Variants in DYNC1H1 observed in about 807,000 individuals in gnomAD.
DYNC1H1 encodes the protein cytoplasmic dynein 1 heavy chain 1.
Under a neutral mutation model 527.1 loss-of-function variants are expected in DYNC1H1, and 51 were observed. The observed-to-expected ratio is 0.10, with a 90% CI of 0.08 to 0.12. The LOEUF (loss-of-function observed/expected upper bound fraction) is 0.12, where lower values mean the gene tolerates loss of function less well. DYNC1H1 is among the 10% of genes least tolerant of loss of function. DYNC1H1 has a pLI of 1.00. For synonymous variants in DYNC1H1, 2,189 were observed against 2,278.8 expected (o/e 0.96, Z 1.12); for missense variants, 2,771 against 5,971.8 (o/e 0.46, Z 17.66).
At chr14:101,978,787 G>T (rs756207112) in intron 2 of DYNC1H1, among the ~76,000 whole-genome samples, 10 of 152,210 alleles carry the variant, frequency 6.6e-5, no homozygotes, top group Non-Finnish European at 1.3e-4. Flanking sequence ...AGTTATGAGG[G>T]TTAGAATTTC....
chr14:102,012,230 A>T lies in DYNC1H1; in HGVS notation c.6858-84A>T. 6.2e-7 allele frequency: 1 copy of T among 1,613,070 alleles called. No homozygotes were observed. The highest frequency in any genetic ancestry group is 8.5e-7 in the Non-Finnish European group (1 of 1,179,222). On this transcript the variant is annotated intron_variant, in intron 33 of 77. Coordinates refer to ENST00000360184, the MANE Select transcript of DYNC1H1 (RefSeq NM_001376.5). This position sits in a 1 kb window ranked among gnomAD's most constrained non-coding sequence, Gnocchi z 4.9. ...CCAAAGTCTGAGCAAATTAAAGGTC[A>T]TTTCAGAAACCATCATCGGTAAACA...
intron 11 of DYNC1H1, among the ~76,000 whole-genome samples, chr14:101,993,066 C>G (rs978484888): frequency 1.3e-5 from 2 of 152,020 alleles, no homozygotes; most frequent in African/African-American, 4.8e-5. Context: ...GGCATCTCCA[C>G]TTGGCTATCT....
rs376679623 is a variant in DYNC1H1, at chr14:102,018,473, G to A, written c.8200G>A (p.Val2734Met). 314 of 1,613,638 alleles carry A rather than the reference G, an allele frequency of 1.9e-4. No individual in the cohort carries two copies. The highest frequency in any genetic ancestry group is 2.4e-4 in the Non-Finnish European group (287 of 1,180,018). Reference sequence around the variant, plus strand: ...CAGGTTCCTGCGCCACGTGCCTGTCGTGTATGTGGATTACCCGGGCCCCGC... The same window carrying A: ...CAGGTTCCTGCGCCACGTGCCTGTCATGTATGTGGATTACCCGGGCCCCGC... ...SHRFLRHVPV[V>M]YVDYPGPASL... The change falls in exon 41 of 78, where the codon GTG becomes ATG. Residue 2734 changes from valine to methionine, a missense_variant. Around this residue, in one of 32 missense-constraint regions of DYNC1H1, gnomAD observed 163 missense variants for 346.9 expected, o/e 0.47. Transcript: ENST00000360184. The surrounding 1 kb of genome is among the most constrained non-coding windows in gnomAD (Gnocchi z 5.2).
Position 102,042,198 on chromosome 14 carries a change from CGCT to C in DYNC1H1, c.12215-26_12215-24del. The C allele has an allele frequency of 6.2e-7, 1 of 1,613,942 alleles. No individual in the cohort carries two copies. Among genetic ancestry groups the C allele is most frequent in the Non-Finnish European group, 8.5e-7 (1 of 1,179,990 alleles). On this transcript the variant is annotated intron_variant, in intron 66 of 77. Transcript: ENST00000360184. The surrounding 1 kb of genome is among the most constrained non-coding windows in gnomAD (Gnocchi z 5.7). The stretch of plus-strand genomic sequence containing the variant: ...GGTGGGCATTGATGTCCGAGGCTGC[CGCT>C]GCTAACACTAAGTTTCCCTGCACCA...
rs1437863396 is a variant in DYNC1H1, at chr14:102,044,149, C to A, written c.12684+104C>A. ...GACTCTGCGTGGAAGAGCGAGCTGACCCCTCGTGACCGCCAAAGCCTAGCT... is the reference window on the plus strand; with the variant it reads ...GACTCTGCGTGGAAGAGCGAGCTGAACCCTCGTGACCGCCAAAGCCTAGCT... On this transcript the variant is annotated intron_variant, in intron 70 of 77. Transcript: ENST00000360184. This position sits in a 1 kb window ranked among gnomAD's most constrained non-coding sequence, Gnocchi z 7.1. 1 of 1,581,632 alleles carries A rather than the reference C, an allele frequency of 6.3e-7. No homozygotes were observed. The highest frequency in any genetic ancestry group is 8.6e-7 in the Non-Finnish European group (1 of 1,166,968).
chr14:101,991,243 G>A (rs1210233169), intron 10 of DYNC1H1, among the ~76,000 whole-genome samples: 2 of 152,122 alleles, frequency 1.3e-5, no homozygotes, highest in Non-Finnish European at 2.9e-5. Flanking sequence ...GGAGGCTGAA[G>A]CGGGTGGATC....
chr14:102,008,209 A>G lies in DYNC1H1; in HGVS notation c.5849A>G (p.Gln1950Arg). 2 of 1,614,174 alleles carry G rather than the reference A, an allele frequency of 1.2e-6. No individual in the cohort carries two copies. The highest frequency in any genetic ancestry group is 8.5e-7 in the Non-Finnish European group (1 of 1,180,028). The change falls in exon 29 of 78, where the codon CAG becomes CGG. Residue 1950 changes from glutamine to arginine, a missense_variant. Coordinates refer to ENST00000360184, the MANE Select transcript of DYNC1H1 (RefSeq NM_001376.5). ...GGCCGGATCTTTGTGGGCCTTTGCC[A>G]GGTGGGTGCCTGGGGCTGCTTTGAC... ...AMGRIFVGLC[Q>R]VGAWGCFDEF...
chr14:102,035,527 G>T (rs1323812429), intron 56 of DYNC1H1: 1 of 152,270 alleles, frequency 6.6e-6, no homozygotes, highest in East Asian at 1.9e-4. Context: ...CCACTTCTAG[G>T]TGTTCATTCA....
chr14:101,984,388 T>C (rs1398649536), intron 7 of DYNC1H1, among the ~76,000 whole-genome samples: 1 of 145,756 alleles, frequency 6.9e-6, no homozygotes, highest in African/African-American at 2.7e-5. Flanking sequence ...TGTGTATATA[T>C]ATATGCGTAT....
intron 42 of DYNC1H1, among the ~76,000 whole-genome samples, chr14:102,022,093 G>A (rs1372841366): frequency 5.3e-5 from 8 of 151,972 alleles, no homozygotes; most frequent in Admixed American, 2.0e-4. Flanking sequence ...CCAAGATCGC[G>A]CCACTGCACT....
chr14:101,975,910 C>A, intron 2 of DYNC1H1, 111 bp downstream of exon 2: 5 of 681,150 alleles, frequency 7.3e-6, no homozygotes, highest in Non-Finnish European at 1.1e-5. Flanking sequence ...TAATATAAAT[C>A]TTTTTTTTTT....
At chr14:102,004,467 C>T in intron 23 of DYNC1H1, 51 bp from the exon 24 acceptor site, 3 of 1,554,274 alleles carry the variant, frequency 1.9e-6, no homozygotes, top group East Asian at 2.3e-5. Context: ...CTTGATTCAC[C>T]TTATATGTGT....
At chr14:102,047,538 AAAAT>A (rs1240072594) in intron 72 of DYNC1H1, 2 of 207,242 alleles carry the variant, frequency 9.7e-6, no homozygotes, top group African/African-American at 4.8e-5. Flanking sequence ...CTCCATCTCA[AAAAT>A]ATATATATAC....
chr14:102,032,712 G>C lies in DYNC1H1; in HGVS notation c.10079+245G>C, dbSNP rs2048523361. 4 of 600,866 alleles carry C rather than the reference G, an allele frequency of 6.7e-6. No individual in the cohort carries two copies. In the South Asian group the frequency reaches 7.7e-5, roughly 12 times the overall value. The allele number at this position is 600,866 out of a possible 1,614,324, so 37.2% of individuals were successfully genotyped here. ...ACAAAAAAATACAAAAATGAGCTGG[G>C]CGGGGTGGCATGCGCCTGTAGTCCT... On this transcript the variant is annotated intron_variant, in intron 52 of 77. Transcript: ENST00000360184.
chr14:102,040,139 C>G, intron 62 of DYNC1H1, 97 bp from the exon 63 acceptor site: 1 of 1,535,506 alleles, frequency 6.5e-7, no homozygotes, highest in Non-Finnish European at 9.0e-7. Flanking sequence ...GCCACTGTGC[C>G]CGGCCTGTTT....
chr14:101,989,946 ATACT>A (rs1567000639), intron 10 of DYNC1H1, among the ~76,000 whole-genome samples: 1 of 152,182 alleles, frequency 6.6e-6, no homozygotes, highest in African/African-American at 2.4e-5. Context: ...AAATACACAA[ATACT>A]TACCATTGTG....
intron 43 of DYNC1H1, among the ~76,000 whole-genome samples, chr14:102,024,036 T>G (rs2720198): frequency 0.03 from 4,543 of 152,288 alleles, 151 homozygotes; most frequent in African/African-American, 0.087. Flanking sequence ...GGAGTATGGC[T>G]GGCTGGCTGC....
rs771447934 is a variant in DYNC1H1 at position 102,018,620 on chromosome 14, C to T, written c.8343+4C>T. 9 of 1,613,318 alleles carry T rather than the reference C, an allele frequency of 5.6e-6. No individual in the cohort carries two copies. The highest frequency in any genetic ancestry group is 1.3e-5 in the African/African-American group (1 of 74,900). On this transcript the variant is annotated splice_donor_region_variant and intron_variant, in intron 41 of 77. Transcript: ENST00000360184. The surrounding 1 kb of genome is among the most constrained non-coding windows in gnomAD (Gnocchi z 5.2). ...GGAGTTCTACACCATGTCTCAGGTA[C>T]GCAGAGTTTCTTTGCTCTTCCAGAA...
chr14:102,045,441 T>G (rs1296600719), intron 72 of DYNC1H1: 1 of 135,578 alleles, frequency 7.4e-6, no homozygotes, highest in Non-Finnish European at 1.8e-5. Context: ...TGAAATCCCA[T>G]CTCTACAAAA....
Sources: gnomAD v4.1 joint callset for allele counts (sites outside exome capture counted in the v4.1 genomes callset) on GRCh38, gnomAD v4.1.1 for gene constraint, gnomAD v4.1.1 regional missense constraint, Gnocchi (gnomAD v3.1) non-coding constraint, MANE v1.5 for transcripts, NCBI Gene and HGNC (gene_info 2026-07-23, HGNC 2026-07-21) for gene names.